Variants in CFAP61 observed in about 807,000 individuals in gnomAD.
The protein encoded by CFAP61 is cilia and flagella associated protein 61.
Under a neutral mutation model 135.6 loss-of-function variants are expected in CFAP61, and 107 were observed. The observed-to-expected ratio is 0.79, with a 90% confidence interval of 0.67 to 0.93. The LOEUF (loss-of-function observed/expected upper bound fraction) is 0.93, where lower values mean the gene tolerates loss of function less well. CFAP61 is among the 40% of genes least tolerant of loss of function. The pLI, the probability that CFAP61 is intolerant of heterozygous loss-of-function variation, is 0.00. For missense variants in CFAP61, 1,507 were observed against 1,556.2 expected, an observed-to-expected ratio of 0.97 and a Z score of 0.53; for synonymous variants, 575 against 578.5, an observed-to-expected ratio of 0.99 and a Z score of 0.09.
intron 8 of CFAP61, among the ~76,000 whole-genome samples, chr20:20,117,379 A>C (rs1212381072): frequency 1.3e-5 from 2 of 152,002 alleles, no homozygotes; most frequent in African/African-American, 4.8e-5. Flanking sequence ...TAAATAAATA[A>C]ATAAATAAAT....
chr20:20,075,136 C>G (rs1338208932), intron 4 of CFAP61, 53 bp from the exon 5 acceptor site: 1 of 1,533,896 alleles, frequency 6.5e-7, no homozygotes, highest in East Asian at 2.2e-5. Flanking sequence ...CAAGTGCCAG[C>G]TGATGGGATT....
At chr20:20,192,124 CGTG>C (rs1166334440) in intron 15 of CFAP61, among the ~76,000 whole-genome samples, 3 of 152,066 alleles carry the variant, frequency 2.0e-5, no homozygotes, top group East Asian at 3.9e-4. Flanking sequence ...ATTGTACCTA[CGTG>C]GATTCTATAG....
intron 17 of CFAP61, among the ~76,000 whole-genome samples, chr20:20,205,763 G>A (rs1289867144): frequency 6.6e-6 from 1 of 152,208 alleles, no homozygotes; most frequent in East Asian, 1.9e-4. Context: ...GCTGTCTGCA[G>A]TTAGCTCTCT....
chr20:20,108,172 A>G (rs1053618865), intron 8 of CFAP61, among the ~76,000 whole-genome samples: 9 of 152,202 alleles, frequency 5.9e-5, no homozygotes, highest in Admixed American at 5.9e-4. Context: ...TGTAATGAGC[A>G]CTCAGATTTT....
intron 25 of CFAP61, chr20:20,316,903 G>A (rs1386375545): frequency 3.0e-5 from 4 of 132,260 alleles, no homozygotes; most frequent in Non-Finnish European, 6.5e-5. Context: ...GGCAGACAGA[G>A]TCTCACTCTG....
chr20:20,309,746 G>C (rs116166276), intron 25 of CFAP61, among the ~76,000 whole-genome samples: 2,271 of 152,166 alleles, frequency 0.015, 66 homozygotes, highest in African/African-American at 0.051. Context: ...GAATAATTTT[G>C]CTCTCTGATA....
intron 15 of CFAP61, among the ~76,000 whole-genome samples, chr20:20,194,372 A>G (rs1354772866): frequency 6.6e-6 from 1 of 152,068 alleles, no homozygotes; most frequent in Non-Finnish European, 1.5e-5. Flanking sequence ...TTAACTTCCG[A>G]GTCTCTTTCT....
chr20:20,147,956 T>C (rs953063573), intron 9 of CFAP61, among the ~76,000 whole-genome samples: 5 of 152,204 alleles, frequency 3.3e-5, no homozygotes, highest in Non-Finnish European at 7.4e-5. Flanking sequence ...TCCAGTTTCA[T>C]TCTTCTACAT....
chr20:20,135,982 T>C (rs989861595), intron 8 of CFAP61, among the ~76,000 whole-genome samples: 4 of 30,110 alleles, frequency 1.3e-4, no homozygotes, highest in African/African-American at 5.7e-4. Context: ...CTTTCATGTT[T>C]GAAGGATATT....
At chr20:20,222,898 GAT>G (rs1601485458) in intron 17 of CFAP61, among the ~76,000 whole-genome samples, 1 of 152,158 alleles carries the variant, frequency 6.6e-6, no homozygotes, top group African/African-American at 2.4e-5. Context: ...AGAAAAGAGA[GAT>G]AGAGAAGCAT....
intron 25 of CFAP61, among the ~76,000 whole-genome samples, chr20:20,325,352 C>G (rs1186596629): frequency 6.6e-6 from 1 of 152,214 alleles, no homozygotes; most frequent in South Asian, 2.1e-4. Context: ...GAACGCCTTT[C>G]CATGCCTGGA....
chr20:20,072,178 G>A (rs912868815), intron 3 of CFAP61, among the ~76,000 whole-genome samples: 2 of 122,924 alleles, frequency 1.6e-5, no homozygotes, highest in Admixed American at 1.1e-4. Flanking sequence ...ACAGTGGCAC[G>A]ATCTCGGCTT....
At chr20:20,144,419 A>G (rs2051686378) in intron 9 of CFAP61, among the ~76,000 whole-genome samples, 1 of 26,788 alleles carries the variant, frequency 3.7e-5, no homozygotes, top group Non-Finnish European at 1.3e-4. Flanking sequence ...ACTACAATCA[A>G]TCAAGATGAA....
At chr20:20,159,777 G>T (rs965143848) in intron 10 of CFAP61, among the ~76,000 whole-genome samples, 13 of 152,310 alleles carry the variant, frequency 8.5e-5, no homozygotes, top group African/African-American at 3.1e-4. Context: ...CAAAACATTT[G>T]TAAGAGTTTT....
intron 8 of CFAP61, among the ~76,000 whole-genome samples, chr20:20,107,396 C>T (rs2048486420): frequency 6.6e-6 from 1 of 152,150 alleles, no homozygotes; most frequent in South Asian, 2.1e-4. Context: ...CTGGTAGAGG[C>T]ATCTTGGAAG....
intron 7 of CFAP61, among the ~76,000 whole-genome samples, chr20:20,091,787 C>T (rs1256091036): frequency 6.6e-6 from 1 of 152,194 alleles, no homozygotes; most frequent in African/African-American, 2.4e-5. Flanking sequence ...AAGCAATTCT[C>T]CTGCCTCAGC....
At chr20:20,093,101 T>C (rs1421955849) in intron 7 of CFAP61, among the ~76,000 whole-genome samples, 1 of 152,194 alleles carries the variant, frequency 6.6e-6, no homozygotes, top group African/African-American at 2.4e-5. Flanking sequence ...CAAGATGTGG[T>C]ATATCCACAC....
rs187090832 is a variant in CFAP61 at position 20,096,407 on chromosome 20, C to A, written c.700-2248C>A. On this transcript the variant is annotated intron_variant, in intron 7 of 26. Transcript: ENST00000245957. The stretch of plus-strand genomic sequence containing the variant: ...TAAATCTTTGTTCCTAATGGCAAAA[C>A]ATGTTTTTCTCATTTTCATCAGAAT... Among the ~76,000 whole-genome samples, 8 of 152,332 alleles carry A rather than the reference C, an allele frequency of 5.3e-5. No homozygotes were observed. The East Asian group carries it at 1.5e-3, about 29-fold the overall frequency.
At chr20:20,054,181 C>T (rs1169303979) in intron 1 of CFAP61, among the ~76,000 whole-genome samples, 2 of 151,856 alleles carry the variant, frequency 1.3e-5, no homozygotes, top group Non-Finnish European at 2.9e-5. Flanking sequence ...TCTCCTAGTT[C>T]TTTCTACAAG....
Sources: gnomAD v4.1 joint callset for allele counts (sites outside exome capture counted in the v4.1 genomes callset) on GRCh38, gnomAD v4.1.1 for gene constraint, MANE v1.5 for transcripts, NCBI Gene and HGNC (gene_info 2026-07-23, HGNC 2026-07-21) for gene names.